Variants in ITPK1 observed in about 807,000 individuals in gnomAD.
ITPK1 encodes inositol 1,3,4-trisphosphate 5/6-kinase.
In ITPK1, 21 loss-of-function variants were observed where a neutral mutation model predicts 45.3. The ratio of observed to expected loss-of-function variants is 0.46; its 90% CI spans 0.33 to 0.67. The LOEUF is 0.67. Ranked by LOEUF, ITPK1 falls within the 30% of genes least tolerant of loss-of-function variation. The pLI, the probability that ITPK1 is intolerant of heterozygous loss-of-function variation, is 0.02. For missense variants in ITPK1, 474 were observed against 573.5 expected, an observed-to-expected ratio of 0.83 and a Z score of 1.77; for synonymous variants, 258 against 253.6, an observed-to-expected ratio of 1.02 and a Z score of -0.16.
intron 2 of ITPK1, among the ~76,000 whole-genome samples, chr14:93,081,350 C>T (rs1891427309): frequency 6.6e-6 from 1 of 151,882 alleles, no homozygotes; most frequent in Admixed American, 6.6e-5. Flanking sequence ...AACACAAAAC[C>T]TGCACCTGCG....
chr14:92,978,038 C>T (rs892944064), intron 5 of ITPK1, among the ~76,000 whole-genome samples: 17 of 151,892 alleles, frequency 1.1e-4, no homozygotes, highest in Admixed American at 6.5e-5. Flanking sequence ...ATGGTTGTGA[C>T]CAAAATGCTG....
chr14:93,088,500 C>T (rs976855901), intron 2 of ITPK1, among the ~76,000 whole-genome samples: 3 of 151,826 alleles, frequency 2.0e-5, no homozygotes, highest in Non-Finnish European at 2.9e-5. Flanking sequence ...GGACTACAGT[C>T]GTGCGCCACC....
At chr14:93,106,274 C>T (rs1485248510) in intron 2 of ITPK1, among the ~76,000 whole-genome samples, 1 of 147,498 alleles carries the variant, frequency 6.8e-6, no homozygotes. Flanking sequence ...ATCCCTGGCC[C>T]CGAGGGCATA....
chr14:92,946,452 C>G lies in ITPK1; in HGVS notation c.780G>C (p.Glu260Asp), dbSNP rs1358413813. Residue 260 changes from glutamate to aspartate, a missense_variant, in exon 10 of 11, where the codon GAG (glutamate) becomes GAC (aspartate). Physicochemically the swap from Glu to Asp is conservative, Grantham distance 45 (BLOSUM62 2). Around this residue, in one of 2 missense-constraint regions of ITPK1, gnomAD observed 367 missense variants for 480.6 expected, o/e 0.76. Coordinates refer to ENST00000267615, the MANE Select transcript of ITPK1 (RefSeq NM_014216.6). Reference sequence around the variant, plus strand: ...GGGCCCGGGAGAGCTCCCGGATGACCTCGTCGCTCGGCCGCTCGAACACGC... The same window carrying G: ...GGGCCCGGGAGAGCTCCCGGATGACGTCGTCGCTCGGCCGCTCGAACACGC... ...IEGVFERPSD[E>D]VIRELSRALR... is the part of the protein sequence containing the mutation. 5.0e-6 allele frequency: 8 copies of G among 1,612,866 alleles called. No homozygotes were observed. Among genetic ancestry groups the G allele is most frequent in the East Asian group, 2.2e-5 (1 of 44,902 alleles).
chr14:93,110,931 A>T lies in ITPK1; in HGVS notation c.95+4138T>A, dbSNP rs1892723172. Among the ~76,000 whole-genome samples, 4 of 152,144 alleles carry T rather than the reference A, an allele frequency of 2.6e-5. No individual in the cohort carries two copies. The South Asian group carries it at 8.3e-4, about 31-fold the overall frequency. On this transcript the variant is annotated intron_variant, in intron 2 of 10. Transcript: ENST00000267615. ...AGGAGTGGACTCAAGAAAGCCCTCT[A>T]GCTGGCTGTGCAGGTCCTATAGACT...
chr14:93,048,347 A>G (rs1307063922), intron 3 of ITPK1, among the ~76,000 whole-genome samples: 1 of 152,246 alleles, frequency 6.6e-6, no homozygotes, highest in Admixed American at 6.5e-5. Flanking sequence ...AACAATTCCA[A>G]CAAGCTCAGA....
In ITPK1 at chr14:93,036,693, C is replaced by G. The variant is rs1034095258; in HGVS notation, c.121-19892G>C. 6.6e-6 allele frequency among the ~76,000 whole-genome samples: 1 copy of G among 152,126 alleles called. No individual in the cohort carries two copies. Among genetic ancestry groups the G allele is most frequent in the African/African-American group, 2.4e-5 (1 of 41,406 alleles). On this transcript the variant is annotated intron_variant, in intron 3 of 10. Coordinates refer to ENST00000267615, the MANE Select transcript of ITPK1 (RefSeq NM_014216.6). The surrounding 1 kb of genome is among the most constrained non-coding windows in gnomAD (Gnocchi z 4.1). ...GCCCCTATTCTCTGGGCTCTGGGAT[C>G]GTTACCAACAACCCGCACCGCATTC...
chr14:92,961,913 AGG>A (rs1885093031), intron 7 of ITPK1, among the ~76,000 whole-genome samples: 1 of 152,244 alleles, frequency 6.6e-6, no homozygotes, highest in South Asian at 2.1e-4. Context: ...AGGCCGTGTG[AGG>A]ACACAGTGAG....
intron 2 of ITPK1, among the ~76,000 whole-genome samples, chr14:93,085,614 C>G (rs1435983879): frequency 3.3e-5 from 5 of 152,142 alleles, no homozygotes; most frequent in Non-Finnish European, 7.3e-5. Flanking sequence ...CTTTGAGACT[C>G]CCCTCCTCAG....
chr14:93,049,202 C>A (rs971680443), intron 3 of ITPK1, among the ~76,000 whole-genome samples: 1 of 152,206 alleles, frequency 6.6e-6, no homozygotes, highest in African/African-American at 2.4e-5. Context: ...TACAAAACCC[C>A]TTCTGTGGCT....
chr14:93,084,577 A>T (rs1891575933), intron 2 of ITPK1, among the ~76,000 whole-genome samples: 2 of 152,042 alleles, frequency 1.3e-5, no homozygotes, highest in African/African-American at 4.8e-5. Flanking sequence ...GCCTTTCGAC[A>T]CTACTTGTCA....
rs141577270 is a variant in ITPK1 at position 93,087,879 on chromosome 14, G to T, written c.96-11260C>A. ...GGTACAGCCCAGCATGGCCGCAGGG[G>T]TCCCTGATGGGAATGGCGGGAAAGA... On this transcript the variant is annotated intron_variant, in intron 2 of 10. Transcript: ENST00000267615. 1.5e-3 allele frequency among the ~76,000 whole-genome samples: 228 copies of T among 152,352 alleles called. 1 individual carries two copies. The highest frequency in any genetic ancestry group is 0.014 in the Middle Eastern group (4 of 294).
intron 2 of ITPK1, among the ~76,000 whole-genome samples, chr14:93,092,907 C>G (rs1891920497): frequency 6.6e-6 from 1 of 152,214 alleles, no homozygotes; most frequent in African/African-American, 2.4e-5. Context: ...GCCGAACCCA[C>G]CAGCCACAGA....
At chr14:93,021,935 A>T (rs1888489104) in intron 3 of ITPK1, among the ~76,000 whole-genome samples, 1 of 152,214 alleles carries the variant, frequency 6.6e-6, no homozygotes, top group Non-Finnish European at 1.5e-5. Context: ...GGATAATGGG[A>T]AGAAACGGCA....
chr14:93,110,728 A>G (rs1405484661), intron 2 of ITPK1, among the ~76,000 whole-genome samples: 1 of 152,194 alleles, frequency 6.6e-6, no homozygotes, highest in Admixed American at 6.5e-5. Flanking sequence ...GTGGGATACC[A>G]AGGTCTGAGA....
chr14:92,941,678 G>A lies in ITPK1; in HGVS notation c.1128C>T (p.Ala376=), dbSNP rs775565036. ...MGQDAPWKAE[A]DAGGTAKLPH... ...GCAGCTTGGCGGTGCCGCCCGCGTC[G>A]GCCTCAGCCTTCCAGGGCGCGTCCT... Residue 376 remains alanine, a synonymous_variant, in exon 11 of 11, where the codon GCC becomes GCT. Coordinates refer to ENST00000267615, the MANE Select transcript of ITPK1 (RefSeq NM_014216.6). 3.6e-5 allele frequency: 55 copies of A among 1,545,050 alleles called. No homozygotes were observed. Among genetic ancestry groups the A allele is most frequent in the African/African-American group, 1.4e-4 (10 of 73,178 alleles).
intron 8 of ITPK1, among the ~76,000 whole-genome samples, chr14:92,955,168 G>C (rs755258771): frequency 1.2e-4 from 18 of 152,214 alleles, no homozygotes; most frequent in Admixed American, 7.2e-4. Context: ...ACCTGCACTT[G>C]TAAATAAAGT....
intron 2 of ITPK1, among the ~76,000 whole-genome samples, chr14:93,092,771 C>A (rs187220449): frequency 1.3e-5 from 2 of 152,214 alleles, no homozygotes; most frequent in Non-Finnish European, 2.9e-5. Context: ...GCTTCCACCC[C>A]ACGACAGCCA....
chr14:93,095,502 G>A (rs558756112), intron 2 of ITPK1, among the ~76,000 whole-genome samples: 6 of 137,658 alleles, frequency 4.4e-5, no homozygotes, highest in South Asian at 4.6e-4. Context: ...TAATGAAGCC[G>A]CTCCAGGACA....
Sources: gnomAD v4.1 joint callset for allele counts (sites outside exome capture counted in the v4.1 genomes callset) on GRCh38, gnomAD v4.1.1 for gene constraint, gnomAD v4.1.1 regional missense constraint, Gnocchi (gnomAD v3.1) non-coding constraint, MANE v1.5 for transcripts, NCBI Gene and HGNC (gene_info 2026-07-23, HGNC 2026-07-21) for gene names.